The following ZNRF1 variants were observed in gnomAD, a reference collection of about 807,000 sequenced individuals.
ZNRF1 encodes zinc and ring finger 1, also known as E3 ubiquitin-protein ligase ZNRF1.
In ZNRF1, 3 loss-of-function variants were observed where a neutral mutation model predicts 18.4. The observed-to-expected ratio is 0.16, with a 90% CI of 0.07 to 0.42. The LOEUF is 0.42. Ranked by LOEUF, ZNRF1 falls within the 10% of genes least tolerant of loss-of-function variation. The pLI, the probability that ZNRF1 is intolerant of heterozygous loss-of-function variation, is 0.99. For missense variants in ZNRF1, 310 were observed against 329.8 expected, an observed-to-expected ratio of 0.94 and a Z score of 0.47; for synonymous variants, 157 against 144.2, an observed-to-expected ratio of 1.09 and a Z score of -0.64.
At chr16:75,057,339 G>C (rs2035681475) in intron 1 of ZNRF1, among the ~76,000 whole-genome samples, 1 of 152,130 alleles carries the variant, frequency 6.6e-6, no homozygotes. Flanking sequence ...CTCTGCTAGA[G>C]TCACCAGGTT....
At chr16:75,070,232 G>A (rs900923215) in intron 1 of ZNRF1, among the ~76,000 whole-genome samples, 1 of 152,164 alleles carries the variant, frequency 6.6e-6, no homozygotes, top group Non-Finnish European at 1.5e-5. Flanking sequence ...GGACCTTCAT[G>A]TTTGGCAGGG....
At chr16:75,084,422 C>A (rs1226761602) in intron 1 of ZNRF1, 1 of 152,154 alleles carries the variant, frequency 6.6e-6, no homozygotes, top group Non-Finnish European at 1.5e-5. Flanking sequence ...CGTTTCTGAA[C>A]TCTTAGGATG....
At chr16:75,094,659 A>G (rs566205195) in intron 2 of ZNRF1, among the ~76,000 whole-genome samples, 1 of 152,348 alleles carries the variant, frequency 6.6e-6, no homozygotes, top group East Asian at 1.9e-4. Flanking sequence ...TACAGCTGCC[A>G]TGAAAGATGT....
chr16:75,039,532 C>A (rs1597873593), intron 1 of ZNRF1, among the ~76,000 whole-genome samples: 1 of 152,154 alleles, frequency 6.6e-6, no homozygotes, highest in African/African-American at 2.4e-5. Context: ...ACCATGAGAT[C>A]AATCATAAGA....
rs192732393 is a variant in ZNRF1, at chr16:75,031,365, C to T, written c.424+31270C>T. 4.1e-3 allele frequency among the ~76,000 whole-genome samples: 630 copies of T among 152,086 alleles called. 3 individuals carry two copies. The highest frequency in any genetic ancestry group is 6.0e-3 in the Non-Finnish European group (411 of 67,972). ...CAGGATGGTCTCTATCTCCCGACCT[C>T]GTGATCTGCCTGCCTCAGCCTCCCA... On this transcript the variant is annotated intron_variant, in intron 1 of 4. Coordinates refer to ENST00000335325, the MANE Select transcript of ZNRF1 (RefSeq NM_032268.5).
intron 1 of ZNRF1, chr16:75,000,484 T>G: frequency 2.6e-6 from 1 of 391,782 alleles, no homozygotes. Flanking sequence ...TGGAGCCAGT[T>G]GGAGCAAGCA....
rs1432668146 is a variant in ZNRF1, at chr16:75,093,578, A to C, written c.431A>C (p.Lys144Thr). ...CCATTCTCCTCTCTTTCAGGTTTCA[A>C]GTGCCCCATTTGCTCCAAGTCTGTG... ...PRWFSSHSGFKCPICSKSVAS... is the reference protein window; with the variant it reads ...PRWFSSHSGFTCPICSKSVAS... The change falls in exon 2 of 5, where the codon AAG becomes ACG. Residue 144 changes from lysine to threonine, a missense_variant. Physicochemically the swap from Lys to Thr is moderately conservative, Grantham distance 78. Coordinates refer to ENST00000335325, the MANE Select transcript of ZNRF1 (RefSeq NM_032268.5). 6.2e-7 allele frequency: 1 copy of C among 1,613,584 alleles called. No homozygotes were observed. Among genetic ancestry groups the C allele is most frequent in the Non-Finnish European group, 8.5e-7 (1 of 1,179,660 alleles).
rs1406250560 is a variant in ZNRF1 at position 75,071,421 on chromosome 16, G to A, written c.425-22151G>A. On this transcript the variant is annotated intron_variant, in intron 1 of 4. Transcript: ENST00000335325. ...ACCTTTTGATGGCTCATTCCCTCAC[G>A]TGTCTGGTTCTCCACAGAGACCTCA... Among the ~76,000 whole-genome samples the A allele has an allele frequency of 2.6e-5, 4 of 152,070 alleles. No homozygotes were observed. In the South Asian group the frequency reaches 6.2e-4, roughly 24 times the overall value.
At chr16:75,017,551 CT>C (rs1190453434) in intron 1 of ZNRF1, among the ~76,000 whole-genome samples, 1 of 152,156 alleles carries the variant, frequency 6.6e-6, no homozygotes, top group Admixed American at 6.6e-5. Context: ...ATAAATACAA[CT>C]TTTCAAGTTT....
intron 1 of ZNRF1, among the ~76,000 whole-genome samples, chr16:75,055,559 C>T (rs2035657442): frequency 6.6e-6 from 1 of 152,184 alleles, no homozygotes; most frequent in South Asian, 2.1e-4. Context: ...ACAGGCATTG[C>T]TCGTCTCCCT....
chr16:75,018,220 A>G (rs1290518688), intron 1 of ZNRF1, among the ~76,000 whole-genome samples: 1 of 152,174 alleles, frequency 6.6e-6, no homozygotes, highest in Non-Finnish European at 1.5e-5. Context: ...TCCTTTTGTT[A>G]GGATACCCTA....
intron 2 of ZNRF1, among the ~76,000 whole-genome samples, chr16:75,096,634 C>T (rs2036203405): frequency 6.6e-6 from 1 of 152,152 alleles, no homozygotes; most frequent in Admixed American, 6.5e-5. Context: ...CCCCTGAAGA[C>T]TTCCCATTTA....
rs1426907525 is a variant in ZNRF1 at position 74,999,329 on chromosome 16, G to A, written c.-343G>A. On this transcript the variant is annotated 5_prime_UTR_variant, in exon 1 of 5. Coordinates refer to ENST00000335325, the MANE Select transcript of ZNRF1 (RefSeq NM_032268.5). Reference sequence around the variant, plus strand: ...CCGCGCCCGCCCGCCGCTCGCCGCCGCCTCCCTCCCTCCTTCCCTGCGGCT... The same window carrying A: ...CCGCGCCCGCCCGCCGCTCGCCGCCACCTCCCTCCCTCCTTCCCTGCGGCT... The A allele has an allele frequency of 6.3e-6, 1 of 159,838 alleles. No individual in the cohort carries two copies. Among genetic ancestry groups the A allele is most frequent in the Non-Finnish European group, 1.4e-5 (1 of 73,736 alleles). The allele number at this position is 159,838 out of a possible 1,614,324, so 9.9% of individuals were successfully genotyped here. A position where few individuals can be genotyped will look rare whatever the true frequency, so the allele number is the denominator to read the frequency against.
intron 1 of ZNRF1, among the ~76,000 whole-genome samples, chr16:75,025,159 C>T (rs990887836): frequency 6.6e-6 from 1 of 152,142 alleles, no homozygotes; most frequent in Non-Finnish European, 1.5e-5. Flanking sequence ...GCTCTGCCTC[C>T]CGGGTTCATG....
At chr16:75,038,715 CTG>C (rs1271154090) in intron 1 of ZNRF1, among the ~76,000 whole-genome samples, 3 of 152,170 alleles carry the variant, frequency 2.0e-5, no homozygotes, top group Non-Finnish European at 4.4e-5. Context: ...CCAGGAAGTC[CTG>C]TGTGTGTGTT....
intron 1 of ZNRF1, among the ~76,000 whole-genome samples, chr16:75,064,028 T>A (rs113219047): frequency 0.021 from 3,237 of 152,294 alleles, 143 homozygotes; most frequent in African/African-American, 0.075. Context: ...CCGGGTGCAG[T>A]GGCTCACGCC....
chr16:75,043,852 C>G (rs1038539948), intron 1 of ZNRF1, among the ~76,000 whole-genome samples: 1 of 124,470 alleles, frequency 8.0e-6, no homozygotes, highest in South Asian at 2.7e-4. Flanking sequence ...GGTAATGATG[C>G]GATCTCTGCT....
chr16:75,014,121 G>A (rs992121757), intron 1 of ZNRF1, among the ~76,000 whole-genome samples: 59 of 152,134 alleles, frequency 3.9e-4, no homozygotes, highest in African/African-American at 1.4e-3. Flanking sequence ...GTGAGCTGCC[G>A]CGCCTAGCCT....
chr16:75,049,280 C>T (rs948017097), intron 1 of ZNRF1, among the ~76,000 whole-genome samples: 1 of 152,104 alleles, frequency 6.6e-6, no homozygotes, highest in African/African-American at 2.4e-5. Context: ...GCTGGGATTA[C>T]AGGTGTGAGC....
Sources: allele counts gnomAD v4.1 joint callset (sites outside exome capture counted in the v4.1 genomes callset), GRCh38; gene constraint gnomAD v4.1.1; transcripts MANE v1.5; gene names NCBI Gene and HGNC (gene_info 2026-07-23, HGNC 2026-07-21).